The following SLCO3A1 variants were observed in gnomAD, a reference collection of about 807,000 sequenced individuals.
SLCO3A1 encodes solute carrier organic anion transporter family member 3A1, also known as PGE1 transporter.
A neutral mutation model predicts 63.1 loss-of-function variants in SLCO3A1; 27 were observed. That is an observed-to-expected ratio of 0.43 (90% confidence interval 0.32 to 0.59). The LOEUF is 0.59. Among genes scored for constraint, SLCO3A1 ranks in the 20% least tolerant of loss-of-function variants. SLCO3A1 has a pLI of 0.09. For missense variants in SLCO3A1, 773 were observed against 945.8 expected, an observed-to-expected ratio of 0.82 and a Z score of 2.40; for synonymous variants, 473 against 409.9, an observed-to-expected ratio of 1.15 and a Z score of -1.86.
At chr15:91,909,169 C>G (rs1186984126) in intron 1 of SLCO3A1, among the ~76,000 whole-genome samples, 1 of 152,176 alleles carries the variant, frequency 6.6e-6, no homozygotes, top group African/African-American at 2.4e-5. Context: ...CATATACTTA[C>G]CAATGGCCAG....
chr15:91,977,515 A>T (rs1453491737), intron 2 of SLCO3A1, among the ~76,000 whole-genome samples: 1 of 152,192 alleles, frequency 6.6e-6, no homozygotes, highest in African/African-American at 2.4e-5. Context: ...AGACATGGAA[A>T]ACCAAATATG....
chr15:91,880,166 CATCCATCTATCTATCT>C (rs1897531122), intron 1 of SLCO3A1, among the ~76,000 whole-genome samples: 1 of 132,514 alleles, frequency 7.5e-6, no homozygotes, highest in African/African-American at 3.0e-5. Flanking sequence ...TCCATCCATC[CATCCATCTATCTATCT>C]ATCTATCTAT....
chr15:92,120,855 A>G (rs1173003517), intron 5 of SLCO3A1, among the ~76,000 whole-genome samples: 1 of 152,196 alleles, frequency 6.6e-6, no homozygotes, highest in Admixed American at 6.5e-5. Context: ...GTGAAAATAT[A>G]AAATGTACAT....
chr15:92,052,780 C>T (rs1233903134), intron 2 of SLCO3A1, among the ~76,000 whole-genome samples: 5 of 152,096 alleles, frequency 3.3e-5, no homozygotes, highest in Non-Finnish European at 7.3e-5. Flanking sequence ...AAAATTTATA[C>T]ATAGGCATAA....
intron 1 of SLCO3A1, among the ~76,000 whole-genome samples, chr15:91,861,742 A>G (rs7359169): frequency 0.21 from 31,308 of 151,616 alleles, 4,247 homozygotes; most frequent in East Asian, 0.51. Flanking sequence ...TCCCACCTCA[A>G]CCTCCCAAGT....
At chr15:92,149,961 T>C (rs1206645914) in intron 8 of SLCO3A1, among the ~76,000 whole-genome samples, 1 of 152,146 alleles carries the variant, frequency 6.6e-6, no homozygotes, top group Non-Finnish European at 1.5e-5. Context: ...TTGGATTTTG[T>C]AACGTGCACG....
intron 2 of SLCO3A1, among the ~76,000 whole-genome samples, chr15:92,042,147 G>T (rs1189036025): frequency 1.3e-5 from 2 of 152,292 alleles, no homozygotes; most frequent in South Asian, 2.1e-4. Context: ...AGTAGTTGAT[G>T]CTGTTTTCCA....
intron 1 of SLCO3A1, among the ~76,000 whole-genome samples, chr15:91,909,247 G>A (rs1430932588): frequency 6.6e-6 from 1 of 152,196 alleles, no homozygotes; most frequent in Non-Finnish European, 1.5e-5. Context: ...CAGGGGTTTG[G>A]CATTCTACAT....
intron 2 of SLCO3A1, among the ~76,000 whole-genome samples, chr15:92,070,668 G>C (rs1256656049): frequency 6.7e-6 from 1 of 150,174 alleles, no homozygotes; most frequent in African/African-American, 2.5e-5. Context: ...TTTTGAGACA[G>C]AGTTATGGAG....
At chr15:92,082,814 A>G (rs1264279799) in intron 2 of SLCO3A1, among the ~76,000 whole-genome samples, 1 of 152,142 alleles carries the variant, frequency 6.6e-6, no homozygotes, top group African/African-American at 2.4e-5. Context: ...CGCCTTCACC[A>G]CTGTGCCGTG....
At chr15:91,966,752 A>G (rs971553618) in intron 2 of SLCO3A1, among the ~76,000 whole-genome samples, 1 of 152,234 alleles carries the variant, frequency 6.6e-6, no homozygotes, top group African/African-American at 2.4e-5. Flanking sequence ...AGTGGAAGGA[A>G]TTCATGCCTG....
chr15:92,063,612 C>A (rs180926894), intron 2 of SLCO3A1, among the ~76,000 whole-genome samples: 1 of 152,326 alleles, frequency 6.6e-6, no homozygotes, highest in East Asian at 1.9e-4. Context: ...GTAATCCCAG[C>A]ACTTTGGGAG....
At chr15:91,956,977 G>A (rs6496882) in intron 2 of SLCO3A1, among the ~76,000 whole-genome samples, 2,428 of 8,618 alleles carry the variant, frequency 0.28, 532 homozygotes, top group African/African-American at 0.33. Flanking sequence ...TATATATATA[G>A]TATATATAAT....
chr15:92,122,013 G>T (rs1215886752), intron 5 of SLCO3A1, among the ~76,000 whole-genome samples: 1 of 152,194 alleles, frequency 6.6e-6, no homozygotes, highest in Non-Finnish European at 1.5e-5. Flanking sequence ...CTTAGCCAGG[G>T]GAGAAAGGAG....
downstream of SLCO3A1, among the ~76,000 whole-genome samples, chr15:92,169,351 C>T (rs2048509389): frequency 6.6e-6 from 1 of 152,164 alleles, no homozygotes; most frequent in Non-Finnish European, 1.5e-5. Flanking sequence ...TACCTCCCTA[C>T]CAGGTAAGAC....
intron 2 of SLCO3A1, among the ~76,000 whole-genome samples, chr15:91,987,072 A>C (rs2046062837): frequency 6.6e-6 from 1 of 152,170 alleles, no homozygotes; most frequent in South Asian, 2.1e-4. Flanking sequence ...ATTCTTTGCA[A>C]CCTGAGCAGA....
At position 91,883,458 on chromosome 15, in the gene SLCO3A1, C is replaced by T. The variant is rs776695017; in HGVS notation, c.180+29370C>T. On this transcript the variant is annotated intron_variant, in intron 1 of 9. Coordinates refer to ENST00000318445, the MANE Select transcript of SLCO3A1 (RefSeq NM_013272.4). The surrounding 1 kb of genome is among the most constrained non-coding windows in gnomAD (Gnocchi z 4.8). ...TTCTCTTGCTCTGAGGCTGGGGCTCCCCGGAGGGATGTACCTCGCACTGAC... is the reference window on the plus strand; with the variant it reads ...TTCTCTTGCTCTGAGGCTGGGGCTCTCCGGAGGGATGTACCTCGCACTGAC... 1.8e-4 allele frequency among the ~76,000 whole-genome samples: 27 copies of T among 152,302 alleles called. No homozygotes were observed. Among genetic ancestry groups the T allele is most frequent in the Middle Eastern group, 3.4e-3 (1 of 294 alleles).
intron 2 of SLCO3A1, among the ~76,000 whole-genome samples, chr15:92,037,677 C>T (rs2046745164): frequency 6.6e-6 from 1 of 151,874 alleles, no homozygotes; most frequent in Non-Finnish European, 1.5e-5. Flanking sequence ...CTTATTCTCA[C>T]TGTCAAGCCA....
intron 2 of SLCO3A1, among the ~76,000 whole-genome samples, chr15:92,000,842 G>A (rs1002864011): frequency 2.6e-5 from 4 of 152,254 alleles, no homozygotes; most frequent in South Asian, 2.1e-4. Flanking sequence ...ACGCTTGTAC[G>A]CTTGTATTCA....
Sources: allele counts gnomAD v4.1 joint callset (sites outside exome capture counted in the v4.1 genomes callset), GRCh38; gene constraint gnomAD v4.1.1; non-coding constraint Gnocchi (gnomAD v3.1); transcripts MANE v1.5; gene names NCBI Gene and HGNC (gene_info 2026-07-23, HGNC 2026-07-21).